The following TLE4 variants were observed in gnomAD, a reference collection of about 807,000 sequenced individuals.
TLE4 encodes the protein transducin-like enhancer protein 4.
In TLE4, 8 loss-of-function variants were observed where a neutral mutation model predicts 92.8. The observed-to-expected ratio is 0.09, with a 90% CI of 0.05 to 0.16. TLE4 has a LOEUF of 0.16. Among genes scored for constraint, TLE4 ranks in the 10% least tolerant of loss-of-function variants. TLE4 has a pLI of 1.00. For missense variants in TLE4, 675 were observed against 997.6 expected, an observed-to-expected ratio of 0.68 and a Z score of 4.36; for synonymous variants, 371 against 374.1, an observed-to-expected ratio of 0.99 and a Z score of 0.10.
At chr9:79,695,025 T>G (rs573430912) in intron 8 of TLE4, among the ~76,000 whole-genome samples, 13 of 152,142 alleles carry the variant, frequency 8.5e-5, no homozygotes, top group Non-Finnish European at 1.2e-4. Flanking sequence ...GAGTGTGTGA[T>G]GAGAGACAAG....
chr9:79,687,618 ATTCCTTGGCCTCTTCCTTGCCC>A (rs1028220818), intron 8 of TLE4, among the ~76,000 whole-genome samples: 6 of 152,272 alleles, frequency 3.9e-5, no homozygotes, highest in African/African-American at 9.6e-5. Flanking sequence ...GTCCCTTGTC[ATTCCTTGGCCTCTTCCTTGCCC>A]TTCCTTGGCC....
At chr9:79,643,336 A>G (rs896958501) in intron 6 of TLE4, among the ~76,000 whole-genome samples, 2 of 152,212 alleles carry the variant, frequency 1.3e-5, no homozygotes, top group African/African-American at 4.8e-5. Context: ...TGCTTCTTCT[A>G]TGAACAAGGA....
At chr9:79,598,797 T>A (rs2044766961) in intron 4 of TLE4, among the ~76,000 whole-genome samples, 1 of 152,176 alleles carries the variant, frequency 6.6e-6, no homozygotes, top group South Asian at 2.1e-4. Context: ...CTAGGGCACT[T>A]AACACATGGC....
At chr9:79,704,971 G>C (rs867329863) in intron 9 of TLE4, 69 bp downstream of exon 9, 8 of 1,594,400 alleles carry the variant, frequency 5.0e-6, no homozygotes, top group Middle Eastern at 1.7e-4. Context: ...TTTACCCTTT[G>C]ACTATTACCA....
chr9:79,631,053 T>C (rs2054049377), intron 6 of TLE4, among the ~76,000 whole-genome samples: 1 of 152,142 alleles, frequency 6.6e-6, no homozygotes, highest in Non-Finnish European at 1.5e-5. Flanking sequence ...AGGAAACAGG[T>C]ATGCCATGGT....
intron 4 of TLE4, among the ~76,000 whole-genome samples, chr9:79,598,882 C>T (rs925342241): frequency 3.9e-5 from 6 of 152,264 alleles, no homozygotes; most frequent in Admixed American, 3.3e-4. Flanking sequence ...ATCAGTTTTG[C>T]ATTCAGAACT....
At chr9:79,699,391 AG>A (rs564488905) in intron 8 of TLE4, among the ~76,000 whole-genome samples, 4 of 152,198 alleles carry the variant, frequency 2.6e-5, no homozygotes, top group Non-Finnish European at 5.9e-5. Context: ...GAATTCCTAT[AG>A]TGACTGAACT....
At chr9:79,673,533 G>A (rs1031315558) in intron 8 of TLE4, among the ~76,000 whole-genome samples, 1 of 152,160 alleles carries the variant, frequency 6.6e-6, no homozygotes, top group African/African-American at 2.4e-5. Context: ...TTTTAAAAGT[G>A]TAGTTTATCT....
rs763781314 is a variant in TLE4, at chr9:79,725,111, T to C, written c.2289T>C (p.Asp763=). 15 of 1,613,856 alleles carry C rather than the reference T, an allele frequency of 9.3e-6. No individual in the cohort carries two copies. In the Admixed American group the frequency reaches 1.7e-4, roughly 18 times the overall value. ...DDKYIVTGSG[D]KKATVYEVIY is the part of the protein sequence containing the mutation. ...AATACATTGTCACTGGCTCTGGGGA[T>C]AAGAAGGCCACAGTTTATGAAGTTA... Residue 763 remains aspartate (D), a synonymous_variant, in exon 20 of 20, where the codon GAT becomes GAC. Transcript: ENST00000376552.
chr9:79,616,738 A>G (rs2049718968), intron 5 of TLE4, among the ~76,000 whole-genome samples: 1 of 152,132 alleles, frequency 6.6e-6, no homozygotes, highest in Non-Finnish European at 1.5e-5. Context: ...TATCCCAGTA[A>G]CAACTCCTCC....
At chr9:79,635,439 G>A (rs1205613071) in intron 6 of TLE4, among the ~76,000 whole-genome samples, 1 of 151,102 alleles carries the variant, frequency 6.6e-6, no homozygotes, top group African/African-American at 2.4e-5. Flanking sequence ...GACTTTTGGT[G>A]TTGTCTGTAA....
chr9:79,719,356 C>T (rs2075185643), intron 15 of TLE4, among the ~76,000 whole-genome samples: 1 of 151,902 alleles, frequency 6.6e-6, no homozygotes, highest in African/African-American at 2.4e-5. Flanking sequence ...AGCCCCTCAG[C>T]TGCTTCATTG....
chr9:79,701,746 G>T (rs879469599), intron 8 of TLE4, among the ~76,000 whole-genome samples: 1 of 152,168 alleles, frequency 6.6e-6, no homozygotes, highest in Non-Finnish European at 1.5e-5. Flanking sequence ...GAAAAGGAAT[G>T]TATCATAAGA....
At chr9:79,650,862 A>G (rs903292784) in intron 6 of TLE4, among the ~76,000 whole-genome samples, 4 of 152,174 alleles carry the variant, frequency 2.6e-5, no homozygotes, top group Non-Finnish European at 5.9e-5. Flanking sequence ...CAAGTCAGTA[A>G]GAGAAAAGAA....
chr9:79,658,829 A>G (rs770542962), intron 8 of TLE4, among the ~76,000 whole-genome samples: 2 of 152,270 alleles, frequency 1.3e-5, no homozygotes, highest in Admixed American at 6.5e-5. Context: ...AAAAGGGGAA[A>G]TCATTGAAAT....
chr9:79,585,422 A>T (rs575764384), intron 4 of TLE4, among the ~76,000 whole-genome samples: 1 of 152,268 alleles, frequency 6.6e-6, no homozygotes, highest in Non-Finnish European at 1.5e-5. Flanking sequence ...GGAATACTCC[A>T]CCATCAGCAT....
chr9:79,725,931 CAAAG>C lies in TLE4; in HGVS notation c.*789_*792del, dbSNP rs983903471. On this transcript the variant is annotated 3_prime_UTR_variant, in exon 20 of 20. Transcript: ENST00000376552. ...CAGATGAACAAATTAAATTTGGCCTCAAAGAGAGAACTTACTCCCTTCTGGATAT... is the reference window on the plus strand; with the variant it reads ...CAGATGAACAAATTAAATTTGGCCTCAGAGAACTTACTCCCTTCTGGATAT... The C allele has an allele frequency of 1.3e-5, 2 of 152,534 alleles. No homozygotes were observed. The highest frequency in any genetic ancestry group is 4.8e-5 in the African/African-American group (2 of 41,414). 9.4% of individuals were successfully genotyped at this position (152,534 alleles called of 1,614,324 possible).
chr9:79,684,270 A>G (rs1007040161), intron 8 of TLE4, among the ~76,000 whole-genome samples: 2 of 152,166 alleles, frequency 1.3e-5, no homozygotes, highest in Non-Finnish European at 2.9e-5. Context: ...ATATGTCTGC[A>G]GTCAGCTGGG....
At chr9:79,598,742 T>G (rs1367396415) in intron 4 of TLE4, among the ~76,000 whole-genome samples, 1 of 152,184 alleles carries the variant, frequency 6.6e-6, no homozygotes, top group Admixed American at 6.5e-5. Flanking sequence ...AAGGGTTTTC[T>G]TCCCCTCCTC....
Sources: allele counts gnomAD v4.1 joint callset (sites outside exome capture counted in the v4.1 genomes callset), GRCh38; gene constraint gnomAD v4.1.1; transcripts MANE v1.5; gene names NCBI Gene and HGNC (gene_info 2026-07-23, HGNC 2026-07-21).